The following TRIM55 variants were observed in gnomAD, a reference collection of about 807,000 sequenced individuals.
TRIM55 encodes the protein tripartite motif-containing protein 55.
In TRIM55, 50 loss-of-function variants were observed where a neutral mutation model predicts 60.9. That is an observed-to-expected ratio of 0.82 (90% CI 0.65 to 1.04). The LOEUF is 1.04. TRIM55 is among the 50% of genes least tolerant of loss of function. TRIM55 has a pLI of 0.00. For missense variants in TRIM55, 681 were observed against 666.9 expected (o/e 1.02, Z -0.23); for synonymous variants, 237 against 238.1 (o/e 1.00, Z 0.04).
intron 9 of TRIM55, among the ~76,000 whole-genome samples, chr8:66,157,190 C>T (rs1024224905): frequency 5.3e-5 from 8 of 152,098 alleles, no homozygotes; most frequent in Admixed American, 2.6e-4. Context: ...CTGACATCCA[C>T]GTGCCTGCCT....
chr8:66,171,497 T>C (rs1362517068), intron 9 of TRIM55, among the ~76,000 whole-genome samples: 1 of 152,210 alleles, frequency 6.6e-6, no homozygotes, highest in Non-Finnish European at 1.5e-5. Context: ...AAAAAACATG[T>C]GACTGTAATA....
At chr8:66,132,296 CA>C (rs1034834628) in intron 2 of TRIM55, among the ~76,000 whole-genome samples, 2 of 152,014 alleles carry the variant, frequency 1.3e-5, no homozygotes, top group South Asian at 4.2e-4. Context: ...ACTAAAAATA[CA>C]AAAAAATTAG....
At chr8:66,148,330 A>G (rs561892796) in intron 4 of TRIM55, among the ~76,000 whole-genome samples, 63 of 152,368 alleles carry the variant, frequency 4.1e-4, no homozygotes, top group African/African-American at 1.3e-3. Flanking sequence ...CTTCCAACAC[A>G]GCCTTTCTCT....
the TRIM55 span, chr8:66,113,434 C>G: frequency 2.2e-6 from 1 of 447,142 alleles, no homozygotes; most frequent in Non-Finnish European, 4.5e-6. Context: ...ATCCTTAGGT[C>G]GCTGGTTCGA....
chr8:66,138,035 G>A (rs1809585771), intron 4 of TRIM55, among the ~76,000 whole-genome samples: 1 of 152,162 alleles, frequency 6.6e-6, no homozygotes, highest in Non-Finnish European at 1.5e-5. Context: ...CCAGGCCCTG[G>A]CTCTGTAACT....
At chr8:66,164,637 T>C (rs1811221263) in intron 9 of TRIM55, among the ~76,000 whole-genome samples, 1 of 152,106 alleles carries the variant, frequency 6.6e-6, no homozygotes, top group South Asian at 2.1e-4. Context: ...GACACATAAT[T>C]ATCTCAGAGA....
intron 4 of TRIM55, among the ~76,000 whole-genome samples, chr8:66,141,700 G>A (rs1404190624): frequency 6.6e-6 from 1 of 152,192 alleles, no homozygotes; most frequent in South Asian, 2.1e-4. Flanking sequence ...TCCCTGTTTT[G>A]TATGGCCTGT....
chr8:66,146,037 G>T (rs887482032), intron 4 of TRIM55, among the ~76,000 whole-genome samples: 5 of 152,106 alleles, frequency 3.3e-5, no homozygotes, highest in Non-Finnish European at 7.4e-5. Context: ...TTTGGAGCAG[G>T]TTACTTCTAA....
chr8:66,147,322 T>C (rs17309466), intron 4 of TRIM55, among the ~76,000 whole-genome samples: 3,441 of 152,260 alleles, frequency 0.023, 56 homozygotes, highest in Non-Finnish European at 0.035. Context: ...CTCCATGCAT[T>C]ATAATTTGGT....
At chr8:66,137,783 G>C (rs1809571420) in intron 4 of TRIM55, among the ~76,000 whole-genome samples, 1 of 146,220 alleles carries the variant, frequency 6.8e-6, no homozygotes, top group African/African-American at 2.6e-5. Flanking sequence ...AAAAAATCTT[G>C]CTGAATGAAG....
At chr8:66,120,095 C>G in the TRIM55 span, among the ~76,000 whole-genome samples, 1 of 152,056 alleles carries the variant, frequency 6.6e-6, no homozygotes, top group Non-Finnish European at 1.5e-5. Context: ...ACTTAACTTG[C>G]TCAGCCACAG....
intron 3 of TRIM55, 26 bp downstream of exon 3, chr8:66,135,181 G>A (rs760555929): frequency 2.1e-5 from 33 of 1,606,488 alleles, no homozygotes; most frequent in African/African-American, 5.4e-5. Context: ...CCTCCCTCCC[G>A]CAACCCCTCC....
In TRIM55 at chr8:66,132,425, G is replaced by A. The variant is rs367625759; in HGVS notation, c.342-2565G>A. On this transcript the variant is annotated intron_variant, in intron 2 of 9. Coordinates refer to ENST00000315962, the MANE Select transcript of TRIM55 (RefSeq NM_184085.2). ...GCTGAGATTGAGCCATTGCACTCCA[G>A]CCTGGGCGACAAGCAAAACTCCATC... Among the ~76,000 whole-genome samples the A allele has an allele frequency of 5.3e-5, 8 of 152,182 alleles. No individual in the cohort carries two copies. In the East Asian group the frequency reaches 1.2e-3, roughly 22 times the overall value.
At chr8:66,163,712 A>G (rs902560826) in intron 9 of TRIM55, among the ~76,000 whole-genome samples, 4 of 152,238 alleles carry the variant, frequency 2.6e-5, no homozygotes, top group African/African-American at 9.6e-5. Context: ...ACCTTGGTGA[A>G]TGTTCCACAT....
At chr8:66,173,461 A>G (rs1222200645) in intron 9 of TRIM55, among the ~76,000 whole-genome samples, 1 of 152,222 alleles carries the variant, frequency 6.6e-6, no homozygotes, top group Admixed American at 6.5e-5. Flanking sequence ...TGTGCCAGGT[A>G]TTATCCATTC....
the TRIM55 span, among the ~76,000 whole-genome samples, chr8:66,114,078 A>AG: frequency 4.3e-4 from 25 of 57,874 alleles, 1 homozygote; most frequent in Admixed American, 3.8e-3. Context: ...CTCGAAGGAG[A>AG]GACACCCCCC....
intron 9 of TRIM55, among the ~76,000 whole-genome samples, chr8:66,159,224 G>A (rs959182600): frequency 2.0e-5 from 3 of 152,166 alleles, no homozygotes; most frequent in African/African-American, 4.8e-5. Context: ...GGCAACCACT[G>A]ATGTGTTTGA....
chr8:66,114,438 C>T, the TRIM55 span: 2 of 436,582 alleles, frequency 4.6e-6, no homozygotes, highest in African/African-American at 2.0e-5. Context: ...TTTTTAGACC[C>T]ATTTAATTGG....
intron 9 of TRIM55, among the ~76,000 whole-genome samples, chr8:66,164,475 A>G (rs1811212712): frequency 6.6e-6 from 1 of 152,212 alleles, no homozygotes; most frequent in Non-Finnish European, 1.5e-5. Context: ...GTTTCCACAA[A>G]ACTGCAGAGG....
Sources: allele counts gnomAD v4.1 joint callset (sites outside exome capture counted in the v4.1 genomes callset), GRCh38; gene constraint gnomAD v4.1.1; transcripts MANE v1.5; gene names NCBI Gene and HGNC (gene_info 2026-07-23, HGNC 2026-07-21).